The following DAGLA variants were observed in gnomAD, a reference collection of about 807,000 sequenced individuals.
DAGLA encodes the protein diacylglycerol lipase-alpha.
In DAGLA, 22 loss-of-function variants were observed where a neutral mutation model predicts 102.6. The ratio of observed to expected loss-of-function variants is 0.21; its 90% CI spans 0.15 to 0.31. The LOEUF is 0.31. DAGLA is among the 10% of genes least tolerant of loss of function. The pLI is 1.00. For missense variants in DAGLA, 927 were observed against 1,446.6 expected (o/e 0.64, Z 5.83); for synonymous variants, 578 against 628.9 (o/e 0.92, Z 1.21).
At chr11:61,729,758 A>G (rs2065359101) in intron 8 of DAGLA, among the ~76,000 whole-genome samples, 1 of 152,178 alleles carries the variant, frequency 6.6e-6, no homozygotes, top group Non-Finnish European at 1.5e-5. Flanking sequence ...GCTGATGGAA[A>G]GGATTCCGTC....
chr11:61,683,489 A>G (rs899093285), intron 1 of DAGLA, among the ~76,000 whole-genome samples: 1 of 152,156 alleles, frequency 6.6e-6, no homozygotes, highest in African/African-American at 2.4e-5. Context: ...AGAGTCCATT[A>G]AGGAGGAAGC....
chr11:61,723,412 T>C, intron 4 of DAGLA, 22 bp from the exon 5 acceptor site: 1 of 1,606,128 alleles, frequency 6.2e-7, no homozygotes, highest in Non-Finnish European at 8.5e-7. Flanking sequence ...CCCTACCTAA[T>C]GCCTCCCACT....
At position 61,738,201 on chromosome 11, in the gene DAGLA, G is replaced by A; in HGVS notation, c.1650G>A (p.Lys550=). Residue 550 remains lysine (K), a synonymous_variant, in exon 16 of 20, where the codon AAG becomes AAA. Transcript: ENST00000257215. ...QLLDVLQRST[K]PKWRIIVGAT... is the part of the protein sequence containing the mutation. ...TGGATGTCCTGCAGCGAAGCACCAAGCCCAAAGTGAGCCCCCACCTGGGCA... is the reference window on the plus strand; with the variant it reads ...TGGATGTCCTGCAGCGAAGCACCAAACCCAAAGTGAGCCCCCACCTGGGCA... The A allele has an allele frequency of 1.2e-6, 2 of 1,612,532 alleles. No individual in the cohort carries two copies. Among genetic ancestry groups the A allele is most frequent in the Non-Finnish European group, 1.7e-6 (2 of 1,179,870 alleles).
chr11:61,693,076 C>T (rs1167746056), intron 1 of DAGLA, among the ~76,000 whole-genome samples: 23 of 149,312 alleles, frequency 1.5e-4, no homozygotes, highest in African/African-American at 4.7e-4. Context: ...TGCAGTGGTG[C>T]GGTCTGCCTT....
chr11:61,718,222 C>T (rs1308223813), intron 1 of DAGLA, among the ~76,000 whole-genome samples: 1 of 152,232 alleles, frequency 6.6e-6, no homozygotes, highest in East Asian at 1.9e-4. Context: ...CAGCACTGCT[C>T]CCTCCTCCCC....
At chr11:61,700,989 A>G (rs1591029491) in intron 1 of DAGLA, among the ~76,000 whole-genome samples, 1 of 152,210 alleles carries the variant, frequency 6.6e-6, no homozygotes, top group East Asian at 1.9e-4. Flanking sequence ...AGGTGAGGAA[A>G]TCTGATTTGT....
intron 8 of DAGLA, among the ~76,000 whole-genome samples, chr11:61,729,712 A>G (rs1305897522): frequency 2.6e-5 from 4 of 152,194 alleles, no homozygotes; most frequent in Non-Finnish European, 5.9e-5. Flanking sequence ...AGCCATTCCC[A>G]TCACAGTGCC....
At chr11:61,735,523 C>A in intron 10 of DAGLA, 38 bp from the exon 11 acceptor site, 1 of 1,590,454 alleles carries the variant, frequency 6.3e-7, no homozygotes, top group Non-Finnish European at 8.6e-7. Context: ...TGTGGCCCCA[C>A]CAGGGCCGCT....
At chr11:61,690,145 G>A (rs764303609) in intron 1 of DAGLA, among the ~76,000 whole-genome samples, 6 of 152,154 alleles carry the variant, frequency 3.9e-5, no homozygotes, top group African/African-American at 7.2e-5. Context: ...AACACCAGCC[G>A]TATCCAAGTC....
rs1217292658 is a variant in DAGLA at position 61,743,750 on chromosome 11, C to T, written c.2390C>T (p.Ser797Phe). 3 of 1,612,402 alleles carry T rather than the reference C, an allele frequency of 1.9e-6. No individual in the cohort carries two copies. The highest frequency in any genetic ancestry group is 2.2e-5 in the East Asian group (1 of 44,882). Reference sequence around the variant, plus strand: ...CTGTACAGCTTCGACTCGCGCCGCTCCTCAGGCTTCCGCAGCATCCGGGGC... The same window carrying T: ...CTGTACAGCTTCGACTCGCGCCGCTTCTCAGGCTTCCGCAGCATCCGGGGC... ...ESLYSFDSRR[S>F]SGFRSIRGSP... The change falls in exon 20 of 20, where the codon TCC becomes TTC. Residue 797 changes from serine (S) to phenylalanine (F), a missense_variant. By Grantham distance (155) the Ser-to-Phe change is radical. This residue lies in a region of DAGLA where 434 missense variants were observed against 503.3 expected (regional missense o/e 0.86). Coordinates refer to ENST00000257215, the MANE Select transcript of DAGLA (RefSeq NM_006133.3).
At chr11:61,719,025 C>T (rs1406118916) in intron 1 of DAGLA, among the ~76,000 whole-genome samples, 3 of 152,172 alleles carry the variant, frequency 2.0e-5, no homozygotes, top group Admixed American at 6.5e-5. Flanking sequence ...TACTGGCCCC[C>T]GGCGGGGGAC....
In DAGLA at chr11:61,735,800, C is replaced by T. The variant is rs748109742; in HGVS notation, c.1274C>T (p.Thr425Ile). 2 of 1,611,042 alleles carry T rather than the reference C, an allele frequency of 1.2e-6. No homozygotes were observed. The highest frequency in any genetic ancestry group is 1.7e-5 in the Admixed American group (1 of 59,734). ...CTCCCCGTGGAGGGGCACCACGGCA[C>T]CTGGCTGGGCCACAAGGTAACCCAC... ...ERLPVEGHHG[T>I]WLGHKGMVLS... The change falls in exon 12 of 20, where the codon ACC becomes ATC. Residue 425 changes from threonine (T) to isoleucine (I), a missense_variant. Around this residue, in one of 4 missense-constraint regions of DAGLA, gnomAD observed 218 missense variants for 459.6 expected, o/e 0.47. Transcript: ENST00000257215.
chr11:61,695,262 A>T (rs2065055985), intron 1 of DAGLA, among the ~76,000 whole-genome samples: 1 of 151,176 alleles, frequency 6.6e-6, no homozygotes, highest in Non-Finnish European at 1.5e-5. Context: ...CTTTCTGTTC[A>T]ACCATCAGGC....
At chr11:61,701,966 G>A (rs1198251200) in intron 1 of DAGLA, among the ~76,000 whole-genome samples, 1 of 151,874 alleles carries the variant, frequency 6.6e-6, no homozygotes, top group East Asian at 1.9e-4. Context: ...AATAAAGACA[G>A]GTTCCCCGTA....
intron 1 of DAGLA, among the ~76,000 whole-genome samples, chr11:61,708,769 C>A (rs116136835): frequency 6.6e-6 from 1 of 152,156 alleles, no homozygotes; most frequent in Non-Finnish European, 1.5e-5. Context: ...ATTTTATAGA[C>A]GAGGAGAGGG....
chr11:61,709,394 C>T (rs1017609301), intron 1 of DAGLA, among the ~76,000 whole-genome samples: 4 of 152,192 alleles, frequency 2.6e-5, no homozygotes, highest in East Asian at 1.9e-4. Context: ...CAGGCATGCA[C>T]CACCACGCCC....
chr11:61,695,975 C>T (rs1215339533), intron 1 of DAGLA, among the ~76,000 whole-genome samples: 1 of 152,216 alleles, frequency 6.6e-6, no homozygotes, highest in Non-Finnish European at 1.5e-5. Flanking sequence ...CCTCCTTCCC[C>T]GCTGATGTTC....
At chr11:61,690,815 CT>C (rs2065017650) in intron 1 of DAGLA, among the ~76,000 whole-genome samples, 1 of 152,228 alleles carries the variant, frequency 6.6e-6, no homozygotes. Flanking sequence ...CCCCCTTTGG[CT>C]ATCCTCTTGC....
intron 1 of DAGLA, among the ~76,000 whole-genome samples, chr11:61,690,785 A>T (rs1387584667): frequency 6.6e-6 from 1 of 152,142 alleles, no homozygotes; most frequent in African/African-American, 2.4e-5. Flanking sequence ...CGGGAGGAAC[A>T]GCCGCCCACA....
Sources: gnomAD v4.1 joint callset for allele counts (sites outside exome capture counted in the v4.1 genomes callset) on GRCh38, gnomAD v4.1.1 for gene constraint, gnomAD v4.1.1 regional missense constraint, MANE v1.5 for transcripts, NCBI Gene and HGNC (gene_info 2026-07-23, HGNC 2026-07-21) for gene names.